Variants in TUB observed in about 807,000 individuals in gnomAD.
The protein encoded by TUB is tubby protein homolog.
Under a neutral mutation model 59.7 loss-of-function variants are expected in TUB, and 33 were observed. That is an observed-to-expected ratio of 0.55 (90% CI 0.42 to 0.74). The LOEUF (loss-of-function observed/expected upper bound fraction) is 0.74, where lower values mean the gene tolerates loss of function less well. Among genes scored for constraint, TUB ranks in the 30% least tolerant of loss-of-function variants. The pLI is 0.00. For missense variants in TUB, 659 were observed against 672.0 expected (o/e 0.98, Z 0.21); for synonymous variants, 293 against 256.4 (o/e 1.14, Z -1.36).
chr11:8,097,637 GTC>G (rs1944058020), intron 7 of TUB, 75 bp from the exon 8 acceptor site: 2 of 1,376,480 alleles, frequency 1.5e-6, no homozygotes, highest in Non-Finnish European at 2.0e-6. Flanking sequence ...AACGGAGAGA[GTC>G]TGTGTGAGTG....
upstream of TUB, among the ~76,000 whole-genome samples, chr11:8,033,639 C>G (rs1021699038): frequency 6.6e-6 from 1 of 152,238 alleles, no homozygotes; most frequent in African/African-American, 2.4e-5. Context: ...CCGTCTTATT[C>G]TCCTCGGGGC....
intron 1 of TUB, among the ~76,000 whole-genome samples, chr11:8,028,379 C>T (rs1030892111): frequency 1.3e-5 from 2 of 151,928 alleles, no homozygotes. Context: ...ATGTTTTTCC[C>T]CATTGTTGTC....
Position 8,103,287 on chromosome 11 carries a change from C to A in TUB, c.*1668C>A, listed in dbSNP as rs1944384854. On this transcript the variant is annotated 3_prime_UTR_variant, in exon 12 of 12. Coordinates refer to ENST00000299506, the MANE Select transcript of TUB (RefSeq NM_177972.3). ...CAAGCTTTTGCTCATTTGTCATTTA[C>A]CCTGGTGGAGGCTTCTTGCCCAGAT... 1 of 152,140 alleles carries A rather than the reference C, an allele frequency of 6.6e-6. No homozygotes were observed. Among genetic ancestry groups the A allele is most frequent in the Non-Finnish European group, 1.5e-5 (1 of 68,034 alleles). 9.4% of individuals were successfully genotyped at this position (152,140 alleles called of 1,614,324 possible).
At chr11:8,041,430 T>C (rs898699968) in intron 2 of TUB, among the ~76,000 whole-genome samples, 1 of 152,158 alleles carries the variant, frequency 6.6e-6, no homozygotes, top group African/African-American at 2.4e-5. Flanking sequence ...TTTGGAATAG[T>C]CATAATTAAT....
At chr11:8,036,296 A>C (rs1942645229), upstream of TUB, among the ~76,000 whole-genome samples, 1 of 152,170 alleles carries the variant, frequency 6.6e-6, no homozygotes, top group Admixed American at 6.5e-5. Context: ...ACTGCAGCAC[A>C]GAGCCAGCTG....
intron 2 of TUB, among the ~76,000 whole-genome samples, chr11:8,072,730 G>A (rs1943381016): frequency 6.6e-6 from 1 of 152,202 alleles, no homozygotes; most frequent in African/African-American, 2.4e-5. Context: ...AAACTGAGGC[G>A]AGCCTGGGGA....
In TUB at chr11:8,101,403, G is replaced by C. The variant is rs935278862; in HGVS notation, c.1388-83G>C. The C allele has an allele frequency of 3.2e-6, 5 of 1,547,086 alleles. No individual in the cohort carries two copies. The African/African-American group carries it at 6.8e-5, about 21-fold the overall frequency. ...CTTCTCACTTGTTCTTCCCTCATGTGGTTTGGGTGTCTGTCTATCCTTCCC... is the reference window on the plus strand; with the variant it reads ...CTTCTCACTTGTTCTTCCCTCATGTCGTTTGGGTGTCTGTCTATCCTTCCC... On this transcript the variant is annotated intron_variant, in intron 11 of 11. Transcript: ENST00000299506.
intron 3 of TUB, among the ~76,000 whole-genome samples, chr11:8,090,960 G>A (rs1404884765): frequency 1.3e-5 from 2 of 152,098 alleles, no homozygotes; most frequent in African/African-American, 4.8e-5. Flanking sequence ...AGTCTCCACT[G>A]CCCCCTGCTG....
intron 9 of TUB, 69 bp from the exon 10 acceptor site, chr11:8,100,434 C>T (rs903426427): frequency 5.8e-5 from 72 of 1,238,194 alleles, no homozygotes; most frequent in African/African-American, 1.2e-4. Context: ...TCTTTATTCC[C>T]GTCCCCCCCA....
chr11:8,044,530 T>C (rs1345609905), intron 2 of TUB, among the ~76,000 whole-genome samples: 2 of 152,248 alleles, frequency 1.3e-5, no homozygotes, highest in African/African-American at 4.8e-5. Context: ...GTACTGTTTT[T>C]ACCCACAACA....
rs2133833453 is a variant in TUB at position 8,090,055 on chromosome 11, C to T, written c.91-14C>T. The T allele has an allele frequency of 6.3e-7, 1 of 1,586,808 alleles. No individual in the cohort carries two copies. Among genetic ancestry groups the T allele is most frequent in the Non-Finnish European group, 8.6e-7 (1 of 1,166,582 alleles). On this transcript the variant is annotated splice_polypyrimidine_tract_variant and intron_variant, in intron 2 of 11. Coordinates refer to ENST00000299506, the MANE Select transcript of TUB (RefSeq NM_177972.3). Reference sequence around the variant, plus strand: ...GTGGAGGCAGTGGGTCAGCCAACCTCTGTGCCTCCATAGCGGGCCCTGCTG... The same window carrying T: ...GTGGAGGCAGTGGGTCAGCCAACCTTTGTGCCTCCATAGCGGGCCCTGCTG...
intron 1 of TUB, among the ~76,000 whole-genome samples, chr11:8,087,541 G>C (rs904562339): frequency 1.3e-5 from 2 of 152,370 alleles, no homozygotes; most frequent in African/African-American, 4.8e-5. Flanking sequence ...CTTGGCAAGC[G>C]GAGGGAGCAC....
At chr11:8,028,127 AATT>A (rs944295376) in intron 1 of TUB, among the ~76,000 whole-genome samples, 7 of 152,276 alleles carry the variant, frequency 4.6e-5, no homozygotes, top group African/African-American at 1.2e-4. Flanking sequence ...TTGTTATTAT[AATT>A]ATTATTATAG....
chr11:8,090,185 C>G lies in TUB; in HGVS notation c.207C>G (p.Pro69=). 8 of 1,613,788 alleles carry G rather than the reference C, an allele frequency of 5.0e-6. No individual in the cohort carries two copies. The highest frequency in any genetic ancestry group is 2.2e-5 in the East Asian group (1 of 44,888). The part of the protein sequence containing the change: ...RRARQSEEQA[P]LVESYLSSSG... Reference sequence around the variant, plus strand: ...CCCGGCAGTCAGAGGAACAAGCCCCCCTGGTGGAGTCCTACCTCAGCAGCA... The same window carrying G: ...CCCGGCAGTCAGAGGAACAAGCCCCGCTGGTGGAGTCCTACCTCAGCAGCA... The change falls in exon 3 of 12, where the codon CCC becomes CCG. Residue 69 remains proline, a synonymous_variant. Coordinates refer to ENST00000299506, the MANE Select transcript of TUB (RefSeq NM_177972.3).
chr11:8,100,467 C>T (rs531704941), intron 9 of TUB, 36 bp from the exon 10 acceptor site: 116 of 1,549,372 alleles, frequency 7.5e-5, no homozygotes, highest in Middle Eastern at 5.2e-4. Context: ...GGTAAATAGA[C>T]GCCTCAGGTG....
chr11:8,101,092 A>G (rs1944278591), intron 11 of TUB, 95 bp downstream of exon 11: 3 of 1,422,750 alleles, frequency 2.1e-6, no homozygotes, highest in African/African-American at 2.8e-5. Flanking sequence ...CACTGGCTAG[A>G]GTTTAAGAAT....
At position 8,100,508 on chromosome 11, in the gene TUB, A is replaced by G. The variant is rs755084726; in HGVS notation, c.1122A>G (p.Thr374=). The G allele has an allele frequency of 2.5e-6, 4 of 1,614,056 alleles. No homozygotes were observed. The highest frequency in any genetic ancestry group is 3.4e-6 in the Non-Finnish European group (4 of 1,179,976). ...RQELAAVCYE[T]NVLGFKGPRK... ...TGTTGCGTTCTCTTTCCCAGGAGAC[A>G]AACGTCTTAGGCTTCAAGGGGCCTC... Residue 374 remains threonine (T), a synonymous_variant, in exon 10 of 12, where the codon ACA becomes ACG. Coordinates refer to ENST00000299506, the MANE Select transcript of TUB (RefSeq NM_177972.3).
Position 8,090,236 on chromosome 11 carries a change from AC to A in TUB, c.253+7del, listed in dbSNP as rs778104180. 1 of 1,612,744 alleles carries A rather than the reference AC, an allele frequency of 6.2e-7. No homozygotes were observed. The highest frequency in any genetic ancestry group is 2.2e-5 in the East Asian group (1 of 44,864). ...GTGGCAGCACCAGCTACCAAGGTAT[AC>A]CTTGCCTGCTGCCCCACATCCCGTC... On this transcript the variant is annotated splice_donor_region_variant and intron_variant, in intron 3 of 11. Coordinates refer to ENST00000299506, the MANE Select transcript of TUB (RefSeq NM_177972.3).
At chr11:8,099,851 T>C (rs928718365) in intron 9 of TUB, among the ~76,000 whole-genome samples, 1 of 152,018 alleles carries the variant, frequency 6.6e-6, no homozygotes, top group Admixed American at 6.5e-5. Flanking sequence ...AGGACAAAAG[T>C]CCTGAATGCC....
Sources: allele counts gnomAD v4.1 joint callset (sites outside exome capture counted in the v4.1 genomes callset), GRCh38; gene constraint gnomAD v4.1.1; transcripts MANE v1.5; gene names NCBI Gene and HGNC (gene_info 2026-07-23, HGNC 2026-07-21).